LRRC4C: variants seen among roughly 807,000 people sequenced by gnomAD.
The protein encoded by LRRC4C is leucine-rich repeat-containing protein 4C.
A neutral mutation model predicts 33.6 loss-of-function variants in LRRC4C; 5 were observed. The observed-to-expected ratio is 0.15, with a 90% CI of 0.08 to 0.31. LRRC4C has a LOEUF of 0.31. Among genes scored for constraint, LRRC4C ranks in the 10% least tolerant of loss-of-function variants. LRRC4C has a pLI of 1.00. For missense variants in LRRC4C, 560 were observed against 796.7 expected, an observed-to-expected ratio of 0.70 and a Z score of 3.58; for synonymous variants, 329 against 302.0, an observed-to-expected ratio of 1.09 and a Z score of -0.93.
At chr11:41,042,581 T>A (rs900605947) in intron 1 of LRRC4C, among the ~76,000 whole-genome samples, 10 of 152,158 alleles carry the variant, frequency 6.6e-5, no homozygotes, top group African/African-American at 2.4e-4. Flanking sequence ...TAAAGCTCTC[T>A]TCTTCATCAC....
intron 1 of LRRC4C, among the ~76,000 whole-genome samples, chr11:40,940,599 C>T (rs775343754): frequency 3.3e-5 from 5 of 152,076 alleles, no homozygotes; most frequent in East Asian, 1.9e-4. Context: ...ACTTTTGATA[C>T]GTTTTTCAAA....
intron 4 of LRRC4C, among the ~76,000 whole-genome samples, chr11:40,301,508 A>G (rs1170219683): frequency 6.6e-6 from 1 of 152,252 alleles, no homozygotes; most frequent in Non-Finnish European, 1.5e-5. Flanking sequence ...CAGCTAAATC[A>G]GCACTTGATA....
intron 1 of LRRC4C, among the ~76,000 whole-genome samples, chr11:40,975,520 G>T (rs1227541829): frequency 3.3e-5 from 5 of 152,284 alleles, no homozygotes; most frequent in African/African-American, 1.2e-4. Context: ...TTTTCATGAT[G>T]AAGTTAAGTA....
At chr11:41,387,162 A>C (rs1044869213) in intron 1 of LRRC4C, among the ~76,000 whole-genome samples, 2 of 151,500 alleles carry the variant, frequency 1.3e-5, no homozygotes, top group African/African-American at 4.8e-5. Flanking sequence ...TTTCTCCTGT[A>C]GATAACTAGA....
At chr11:40,681,692 G>A (rs754440164) in intron 2 of LRRC4C, among the ~76,000 whole-genome samples, 1 of 152,076 alleles carries the variant, frequency 6.6e-6, no homozygotes, top group Non-Finnish European at 1.5e-5. Context: ...TTGAGCCCCG[G>A]AGTTTGAGAC....
chr11:41,056,206 A>G (rs930621478), intron 1 of LRRC4C, among the ~76,000 whole-genome samples: 2 of 152,176 alleles, frequency 1.3e-5, no homozygotes, highest in African/African-American at 4.8e-5. Context: ...TCAATGCCCA[A>G]TTCATTAAGT....
At chr11:40,393,706 G>A (rs566694577) in intron 3 of LRRC4C, among the ~76,000 whole-genome samples, 3 of 152,110 alleles carry the variant, frequency 2.0e-5, no homozygotes, top group South Asian at 2.1e-4. Flanking sequence ...TGACTAATAC[G>A]ACAGCAGGAT....
At chr11:41,436,601 C>T (rs1955437353) in intron 1 of LRRC4C, among the ~76,000 whole-genome samples, 1 of 152,222 alleles carries the variant, frequency 6.6e-6, no homozygotes, top group Admixed American at 6.5e-5. Context: ...CCAGCCTCCA[C>T]TGTCTGATAA....
chr11:41,458,739 C>CA (rs1274617735), intron 1 of LRRC4C, among the ~76,000 whole-genome samples: 1 of 151,782 alleles, frequency 6.6e-6, no homozygotes, highest in Non-Finnish European at 1.5e-5. Context: ...GAGGATGTTC[C>CA]AAAATGAGCG....
intron 4 of LRRC4C, among the ~76,000 whole-genome samples, chr11:40,252,554 T>C (rs1866872222): frequency 6.6e-6 from 1 of 152,128 alleles, no homozygotes; most frequent in African/African-American, 2.4e-5. Flanking sequence ...AAATAAAAAG[T>C]CCTTTCTGAA....
intron 1 of LRRC4C, among the ~76,000 whole-genome samples, chr11:41,277,863 C>T (rs186756778): frequency 1.6e-3 from 241 of 151,960 alleles, no homozygotes; most frequent in African/African-American, 5.7e-3. Context: ...CAAACATAAG[C>T]ACACGTTAGA....
intron 5 of LRRC4C, among the ~76,000 whole-genome samples, chr11:40,144,285 T>A (rs1231899078): frequency 1.3e-5 from 2 of 152,146 alleles, no homozygotes; most frequent in African/African-American, 4.8e-5. Context: ...TTTTCTAAAT[T>A]CTCCTTCATT....
intron 6 of LRRC4C, among the ~76,000 whole-genome samples, chr11:40,138,055 T>C (rs1337492739): frequency 1.3e-5 from 2 of 152,364 alleles, no homozygotes; most frequent in Non-Finnish European, 2.9e-5. Flanking sequence ...CTCTGTAAGT[T>C]TGTCACTTAA....
chr11:40,658,925 G>C (rs1943271376), intron 2 of LRRC4C, among the ~76,000 whole-genome samples: 1 of 152,190 alleles, frequency 6.6e-6, no homozygotes, highest in African/African-American at 2.4e-5. Context: ...AACTGCTGGG[G>C]CTGCATGCTC....
intron 1 of LRRC4C, among the ~76,000 whole-genome samples, chr11:41,060,054 C>T (rs1476489977): frequency 6.6e-6 from 1 of 152,072 alleles, no homozygotes; most frequent in Non-Finnish European, 1.5e-5. Flanking sequence ...CTGAGTGTAG[C>T]AAATAAGAAT....
chr11:40,585,206 G>T (rs1457252926), intron 3 of LRRC4C, among the ~76,000 whole-genome samples: 1 of 152,114 alleles, frequency 6.6e-6, no homozygotes, highest in Non-Finnish European at 1.5e-5. Context: ...ACAGTGTAGT[G>T]GAGAATATGA....
chr11:41,424,141 G>A (rs1354694975), intron 1 of LRRC4C, among the ~76,000 whole-genome samples: 3 of 151,992 alleles, frequency 2.0e-5, no homozygotes, highest in Non-Finnish European at 4.4e-5. Flanking sequence ...AGAGCTACTA[G>A]AAGAAACTAT....
chr11:41,025,421 C>T (rs892358192), intron 1 of LRRC4C, among the ~76,000 whole-genome samples: 4 of 151,490 alleles, frequency 2.6e-5, no homozygotes, highest in Non-Finnish European at 5.9e-5. Flanking sequence ...AGTTTTAGTG[C>T]TCTGTATAAA....
chr11:40,687,026 C>T (rs1944994652), intron 2 of LRRC4C, among the ~76,000 whole-genome samples: 1 of 152,068 alleles, frequency 6.6e-6, no homozygotes, highest in South Asian at 2.1e-4. Flanking sequence ...TTGGTACCCA[C>T]ATTACGGTTT....
Sources: gnomAD v4.1 joint callset for allele counts (sites outside exome capture counted in the v4.1 genomes callset) on GRCh38, gnomAD v4.1.1 for gene constraint, MANE v1.5 for transcripts, NCBI Gene and HGNC (gene_info 2026-07-23, HGNC 2026-07-21) for gene names.